Variants in ZC4H2 observed in about 807,000 individuals in gnomAD.
ZC4H2 encodes the protein zinc finger C4H2-type containing, also known as zinc finger C4H2 domain-containing protein.
For synonymous variants in ZC4H2, 84 were observed against 66.3 expected, an observed-to-expected ratio of 1.27 and a Z score of -1.30; for missense variants, 137 against 173.9, an observed-to-expected ratio of 0.79 and a Z score of 1.19.
Position 64,937,463 on chromosome X carries a change from C to T in ZC4H2, c.54-15475G>A, listed in dbSNP as rs867710220. ...TAATAGATATCTACAGAACTCTCCACTCCAAACCAAAAGAATATATATTCT... is the reference window on the plus strand; with the variant it reads ...TAATAGATATCTACAGAACTCTCCATTCCAAACCAAAAGAATATATATTCT... On this transcript the variant is annotated intron_variant, in intron 1 of 4. Coordinates refer to ENST00000374839, the MANE Select transcript of ZC4H2 (RefSeq NM_018684.4). 1.9e-4 allele frequency among the ~76,000 whole-genome samples: 21 copies of T among 111,800 alleles called. 1 individual carries two copies. The Middle Eastern group carries it at 0.014, about 73-fold the overall frequency.
chrX:64,972,929 G>A (rs1332147786), intron 1 of ZC4H2, among the ~76,000 whole-genome samples: 1 of 111,579 alleles, frequency 9.0e-6, no homozygotes, highest in Non-Finnish European at 1.9e-5. Context: ...CTTAACCTTT[G>A]TATATTACTG....
At chrX:65,015,757 A>T (rs913919594) in intron 1 of ZC4H2, among the ~76,000 whole-genome samples, 3 of 112,186 alleles carry the variant, frequency 2.7e-5, no homozygotes, top group African/African-American at 9.7e-5. Context: ...ATCTATTCAC[A>T]ATAATACTTT....
At chrX:65,009,445 C>G (rs971496477) in intron 1 of ZC4H2, among the ~76,000 whole-genome samples, 1 of 112,061 alleles carries the variant, frequency 8.9e-6, no homozygotes, top group African/African-American at 3.2e-5. Flanking sequence ...GGTGGGGAGA[C>G]AGATTCGTGA....
chrX:64,965,315 T>G (rs1931549309), intron 1 of ZC4H2: 1 of 178,267 alleles, frequency 5.6e-6, no homozygotes, highest in African/African-American at 3.1e-5. Context: ...CAGCAAACTA[T>G]TGGCATAAAG....
chrX:64,997,725 G>A (rs981889736), intron 1 of ZC4H2, among the ~76,000 whole-genome samples: 3 of 111,278 alleles, frequency 2.7e-5, no homozygotes, highest in African/African-American at 9.8e-5. Context: ...TTCCCACCTC[G>A]GCCTTCTGAG....
intron 1 of ZC4H2, among the ~76,000 whole-genome samples, chrX:64,994,294 A>T (rs763594195): frequency 8.1e-5 from 9 of 111,695 alleles, no homozygotes; most frequent in Non-Finnish European, 1.1e-4. Flanking sequence ...GAGGTAATGT[A>T]ACTAGTCAAG....
At chrX:65,031,073 C>A (rs1438655777) in intron 1 of ZC4H2, among the ~76,000 whole-genome samples, 3 of 111,496 alleles carry the variant, frequency 2.7e-5, no homozygotes, top group Admixed American at 9.6e-5. Flanking sequence ...TAAATTAAAT[C>A]TTTCTTACCA....
chrX:64,951,227 T>C (rs949165919), intron 1 of ZC4H2, among the ~76,000 whole-genome samples: 1 of 112,485 alleles, frequency 8.9e-6, no homozygotes, highest in Non-Finnish European at 1.9e-5. Context: ...TTGGCTTGGT[T>C]CCAAGTCTGC....
At position 64,988,078 on chromosome X, in the gene ZC4H2, G is replaced by A. The variant is rs1438045862; in HGVS notation, c.-272+46551C>T. On this transcript the variant is annotated intron_variant, in intron 1 of 4. Transcript: ENST00000337990. ...AGGACATGAACTCATCCTTTTTTATGGCTGCATAGTATTCCATGGTGCATA... is the reference window on the plus strand; with the variant it reads ...AGGACATGAACTCATCCTTTTTTATAGCTGCATAGTATTCCATGGTGCATA... Among the ~76,000 whole-genome samples the A allele has an allele frequency of 3.7e-5, 4 of 109,520 alleles. No homozygotes were observed. In the Admixed American group the frequency reaches 3.9e-4, roughly 11 times the overall value.
intron 1 of ZC4H2, among the ~76,000 whole-genome samples, chrX:65,008,825 T>G (rs7065073): frequency 9.0e-6 from 1 of 110,628 alleles, no homozygotes; most frequent in Non-Finnish European, 1.9e-5. Context: ...AGTGTGGAGG[T>G]TGGGATAAAG....
chrX:64,954,436 AAT>A (rs1374170395), intron 1 of ZC4H2, among the ~76,000 whole-genome samples: 4 of 91,029 alleles, frequency 4.4e-5, no homozygotes, highest in Non-Finnish European at 8.2e-5. Flanking sequence ...CAAAATTTCT[AAT>A]ATGTTTGAGT....
chrX:64,995,572 C>A (rs1455086947), intron 1 of ZC4H2, among the ~76,000 whole-genome samples: 1 of 112,283 alleles, frequency 8.9e-6, no homozygotes, highest in African/African-American at 3.2e-5. Flanking sequence ...ATTGCCCAGG[C>A]TGGTCTCGAA....
chrX:64,958,102 T>C (rs1332533308), intron 1 of ZC4H2, among the ~76,000 whole-genome samples: 1 of 111,721 alleles, frequency 9.0e-6, no homozygotes, highest in Non-Finnish European at 1.9e-5. Flanking sequence ...AAAATAATGA[T>C]AAAAAGTATA....
intron 1 of ZC4H2, 190 bp from the exon 2 acceptor site, chrX:64,922,178 A>G (rs1404916857): frequency 4.0e-6 from 4 of 999,755 alleles, no homozygotes; most frequent in Non-Finnish European, 3.8e-6. Flanking sequence ...TGGAAGACAG[A>G]GGCAGGAGGA....
At chrX:64,924,253 C>T (rs1256935929) in intron 1 of ZC4H2, among the ~76,000 whole-genome samples, 1 of 111,988 alleles carries the variant, frequency 8.9e-6, no homozygotes, top group East Asian at 2.8e-4. Context: ...CCTGGTTCTG[C>T]CTCTGATTAA....
intron 1 of ZC4H2, among the ~76,000 whole-genome samples, chrX:65,028,110 T>G (rs1015440324): frequency 1.1e-4 from 12 of 111,651 alleles, no homozygotes; most frequent in African/African-American, 3.9e-4. Flanking sequence ...AAAAGATATA[T>G]ACCTCCCTAA....
At chrX:65,008,446 G>A (rs930433337) in intron 1 of ZC4H2, among the ~76,000 whole-genome samples, 2 of 111,909 alleles carry the variant, frequency 1.8e-5, no homozygotes, top group Non-Finnish European at 3.8e-5. Flanking sequence ...ATATGATCGG[G>A]CAATCCCAAT....
chrX:64,982,888 G>A (rs943552748), intron 1 of ZC4H2, among the ~76,000 whole-genome samples: 2 of 112,237 alleles, frequency 1.8e-5, no homozygotes, highest in Non-Finnish European at 3.8e-5. Context: ...AATCTTAGTA[G>A]TACCCCACCC....
intron 1 of ZC4H2, among the ~76,000 whole-genome samples, chrX:64,951,141 AT>A (rs760536113): frequency 2.7e-5 from 3 of 112,151 alleles, no homozygotes; most frequent in Non-Finnish European, 5.6e-5. Context: ...TGAACTCATC[AT>A]TTTTTATGGC....
Sources: gnomAD v4.1 joint callset for allele counts (sites outside exome capture counted in the v4.1 genomes callset) on GRCh38, gnomAD v4.1.1 for gene constraint, MANE v1.5 for transcripts, NCBI Gene and HGNC (gene_info 2026-07-23, HGNC 2026-07-21) for gene names.